The following TAB1 variants were observed in gnomAD, a reference collection of about 807,000 sequenced individuals.
TAB1 encodes TGF-beta-activated kinase 1 and MAP3K7-binding protein 1.
A neutral mutation model predicts 54.5 loss-of-function variants in TAB1; 30 were observed. The ratio of observed to expected loss-of-function variants is 0.55; its 90% CI spans 0.41 to 0.75. The LOEUF is 0.75. Among genes scored for constraint, TAB1 ranks in the 30% least tolerant of loss-of-function variants. The probability of loss-of-function intolerance (pLI) is 0.00; values close to 1 mark genes in which losing one functional copy is unlikely to be tolerated. For missense variants in TAB1, 609 were observed against 683.2 expected, an observed-to-expected ratio of 0.89 and a Z score of 1.21; for synonymous variants, 289 against 286.9, an observed-to-expected ratio of 1.01 and a Z score of -0.07.
At position 39,415,796 on chromosome 22, in the gene TAB1, G is replaced by A. The variant is rs976715566; in HGVS notation, c.324+143G>A. ...CCCCAGTAGAGGAGCAGCTCCCAGC[G>A]TAGGCCCCCCCACCCAACAGGAGTC... On this transcript the variant is annotated intron_variant, in intron 3 of 10. Transcript: ENST00000216160. The surrounding 1 kb of genome is among the most constrained non-coding windows in gnomAD (Gnocchi z 4.9). 1.7e-5 allele frequency: 19 copies of A among 1,106,938 alleles called. No individual in the cohort carries two copies. In the East Asian group the frequency reaches 2.6e-4, roughly 15 times the overall value. The allele number at this position is 1,106,938 out of a possible 1,614,324, so 68.6% of individuals were successfully genotyped here.
chr22:39,431,096 G>A lies in TAB1; in HGVS notation c.*874G>A, dbSNP rs527607468. On this transcript the variant is annotated 3_prime_UTR_variant, in exon 11 of 11. Transcript: ENST00000216160. The stretch of plus-strand genomic sequence containing the variant: ...TTACCACTGATGAGGGGCCTCTGCC[G>A]GCTGAGGGTAGCAAGCAGGGGTTGT... 31 of 985,712 alleles carry A rather than the reference G, an allele frequency of 3.1e-5. No homozygotes were observed. The highest frequency in any genetic ancestry group is 4.7e-5 in the South Asian group (1 of 21,292). 61.1% of individuals were successfully genotyped at this position (985,712 alleles called of 1,614,324 possible).
At chr22:39,425,045 C>T (rs1261152322) in intron 8 of TAB1, among the ~76,000 whole-genome samples, 1 of 152,120 alleles carries the variant, frequency 6.6e-6, no homozygotes, top group Non-Finnish European at 1.5e-5. Context: ...TACAACCATT[C>T]TGTTTTTCAC....
chr22:39,430,817 G>T lies in TAB1; in HGVS notation c.*595G>T. On this transcript the variant is annotated 3_prime_UTR_variant, in exon 11 of 11. Coordinates refer to ENST00000216160, the MANE Select transcript of TAB1 (RefSeq NM_006116.3). ...GACCAGGGCAGCATCTGGGGCCTGG[G>T]ATGGCCACAGAAGGGGCAGGCCAGG... 1.0e-6 allele frequency: 1 copy of T among 992,204 alleles called. No homozygotes were observed. Among genetic ancestry groups the T allele is most frequent in the Non-Finnish European group, 1.2e-6 (1 of 833,308 alleles). 61.5% of individuals were successfully genotyped at this position (992,204 alleles called of 1,614,324 possible). A position where few individuals can be genotyped will look rare whatever the true frequency, so the allele number is the denominator to read the frequency against.
intron 10 of TAB1, chr22:39,429,445 G>T (rs955216061): frequency 1.4e-5 from 11 of 811,500 alleles, no homozygotes; most frequent in African/African-American, 1.9e-5. Flanking sequence ...CTAGCCACTT[G>T]TGGCTATTAG....
At chr22:39,413,416 T>C (rs1374860117) in intron 1 of TAB1, among the ~76,000 whole-genome samples, 1 of 151,904 alleles carries the variant, frequency 6.6e-6, no homozygotes, top group Non-Finnish European at 1.5e-5. Context: ...AAGCTTTCAA[T>C]ACAATTTTTT....
At chr22:39,401,982 T>C (rs5750814) in intron 1 of TAB1, among the ~76,000 whole-genome samples, 105,865 of 152,034 alleles carry the variant, frequency 0.7, 37,126 homozygotes, top group East Asian at 0.93. Context: ...ACTGCGTTTG[T>C]AGATCAGCTT....
intron 1 of TAB1, among the ~76,000 whole-genome samples, chr22:39,409,233 ATTAAT>A (rs1224018854): frequency 6.6e-6 from 1 of 152,168 alleles, no homozygotes; most frequent in Non-Finnish European, 1.5e-5. Context: ...TAACCTCATA[ATTAAT>A]TTCATTCCAG....
At chr22:39,412,028 A>ATTGTT (rs3043616) in intron 1 of TAB1, among the ~76,000 whole-genome samples, 2,589 of 152,056 alleles carry the variant, frequency 0.017, 87 homozygotes, top group African/African-American at 0.057. Flanking sequence ...ATTGTGTGAC[A>ATTGTT]TTGTTTTGTT....
intron 10 of TAB1, 73 bp from the exon 11 acceptor site, chr22:39,429,942 T>G: frequency 6.3e-7 from 1 of 1,590,030 alleles, no homozygotes; most frequent in Non-Finnish European, 8.6e-7. Context: ...GCAGGGGCCA[T>G]TCTGTCCCCA....
chr22:39,400,808 G>C (rs919646765), intron 1 of TAB1, among the ~76,000 whole-genome samples: 2 of 152,122 alleles, frequency 1.3e-5, no homozygotes, highest in African/African-American at 4.8e-5. Context: ...GGCTGAGGCG[G>C]GTGGATCACG....
downstream of TAB1, among the ~76,000 whole-genome samples, chr22:39,434,223 C>T (rs971822329): frequency 5.9e-5 from 9 of 152,234 alleles, no homozygotes; most frequent in African/African-American, 1.9e-4. Context: ...GTACAGGTGA[C>T]GGGAGCGTTA....
At position 39,431,116 on chromosome 22, in the gene TAB1, G is replaced by A. The variant is rs181876232; in HGVS notation, c.*894G>A. ...CTGCCGGCTGAGGGTAGCAAGCAGG[G>A]GTTGTGAGTCAGGCTGGGGGACTTG... is the stretch of plus-strand genomic sequence containing the variant. On this transcript the variant is annotated 3_prime_UTR_variant, in exon 11 of 11. Transcript: ENST00000216160. 2.0e-6 allele frequency: 2 copies of A among 985,976 alleles called. No individual in the cohort carries two copies. The highest frequency in any genetic ancestry group is 3.5e-5 in the African/African-American group (2 of 57,396). 61.1% of individuals were successfully genotyped at this position (985,976 alleles called of 1,614,324 possible). A position where few individuals can be genotyped will look rare whatever the true frequency, so the allele number is the denominator to read the frequency against.
intron 3 of TAB1, among the ~76,000 whole-genome samples, chr22:39,416,459 G>A (rs190210617): frequency 6.6e-6 from 1 of 152,372 alleles, no homozygotes; most frequent in Admixed American, 6.5e-5. Context: ...GTGTGAGACT[G>A]AGGGGGCCAG....
chr22:39,425,454 T>C (rs1287894876), intron 8 of TAB1, among the ~76,000 whole-genome samples: 1 of 152,112 alleles, frequency 6.6e-6, no homozygotes, highest in Admixed American at 6.5e-5. Flanking sequence ...TGCTAGATGA[T>C]TTTGCCCAGC....
Position 39,415,290 on chromosome 22 carries a change from C to A in TAB1, c.170+148C>A. On this transcript the variant is annotated intron_variant, in intron 2 of 10. Transcript: ENST00000216160. The surrounding 1 kb of genome is among the most constrained non-coding windows in gnomAD (Gnocchi z 4.9). ...GCCTCTGCTGCTGTCTTGCCAAGGG[C>A]CTGCTCTGATGGGGTAGCGTGAGCA... is the stretch of plus-strand genomic sequence containing the variant. 1 of 1,159,464 alleles carries A rather than the reference C, an allele frequency of 8.6e-7. No individual in the cohort carries two copies. 71.8% of individuals were successfully genotyped at this position (1,159,464 alleles called of 1,614,324 possible).
At chr22:39,433,455 G>GAAAA, downstream of TAB1, 1 of 876,716 alleles carries the variant, frequency 1.1e-6, no homozygotes, top group Non-Finnish European at 1.4e-6. Flanking sequence ...CCTGTCTCAA[G>GAAAA]AAAAAAAAAA....
At chr22:39,435,173 C>CATTT (rs1927737626), downstream of TAB1, among the ~76,000 whole-genome samples, 1 of 152,216 alleles carries the variant, frequency 6.6e-6, no homozygotes, top group Admixed American at 6.5e-5. Context: ...TTACATGTCT[C>CATTT]ATTTATTTTG....
intron 1 of TAB1, among the ~76,000 whole-genome samples, chr22:39,401,429 G>T (rs1448127677): frequency 6.6e-6 from 1 of 152,222 alleles, no homozygotes; most frequent in Non-Finnish European, 1.5e-5. Flanking sequence ...TTCCCAGAGG[G>T]CAAGGTCCCT....
At chr22:39,417,973 C>T (rs1202013222) in intron 5 of TAB1, 124 bp downstream of exon 5, 5 of 1,275,530 alleles carry the variant, frequency 3.9e-6, no homozygotes, top group Non-Finnish European at 5.2e-6. Context: ...TCTCCTGAGA[C>T]CGTTGGGTAT....
Sources: gnomAD v4.1 joint callset for allele counts (sites outside exome capture counted in the v4.1 genomes callset) on GRCh38, gnomAD v4.1.1 for gene constraint, Gnocchi (gnomAD v3.1) non-coding constraint, MANE v1.5 for transcripts, NCBI Gene and HGNC (gene_info 2026-07-23, HGNC 2026-07-21) for gene names.